The following HOMER2 variants were observed in gnomAD, a reference collection of about 807,000 sequenced individuals.
HOMER2 encodes homer scaffold protein 2.
A neutral mutation model predicts 47.0 loss-of-function variants in HOMER2; 27 were observed. The observed-to-expected ratio is 0.57, with a 90% CI of 0.42 to 0.79. The LOEUF (loss-of-function observed/expected upper bound fraction) is 0.79, where lower values mean the gene tolerates loss of function less well. Among genes scored for constraint, HOMER2 ranks in the 30% least tolerant of loss-of-function variants. HOMER2 has a pLI of 0.00. For missense variants in HOMER2, 443 were observed against 435.0 expected, an observed-to-expected ratio of 1.02 and a Z score of -0.16; for synonymous variants, 161 against 163.8, an observed-to-expected ratio of 0.98 and a Z score of 0.13.
intron 2 of HOMER2, among the ~76,000 whole-genome samples, chr15:82,879,130 CA>C (rs1397277255): frequency 6.6e-6 from 1 of 152,004 alleles, no homozygotes; most frequent in Admixed American, 6.6e-5. Flanking sequence ...TTGGCTCTTT[CA>C]AAAAAAATTC....
intron 5 of HOMER2, among the ~76,000 whole-genome samples, 172 bp from the exon 6 acceptor site, chr15:82,854,972 A>G (rs2051525573): frequency 1.3e-5 from 2 of 152,144 alleles, no homozygotes; most frequent in African/African-American, 4.8e-5. Flanking sequence ...GCCAGGAGGG[A>G]CTGGCCCCTC....
intron 1 of HOMER2, among the ~76,000 whole-genome samples, chr15:82,939,566 G>T (rs1177957025): frequency 6.6e-6 from 1 of 152,084 alleles, no homozygotes; most frequent in African/African-American, 2.4e-5. Flanking sequence ...ACTACTTGGG[G>T]GGCTGAGGCA....
At chr15:82,927,149 A>T (rs1397879918) in intron 1 of HOMER2, among the ~76,000 whole-genome samples, 1 of 151,054 alleles carries the variant, frequency 6.6e-6, no homozygotes, top group Non-Finnish European at 1.5e-5. Context: ...ATATGATGCC[A>T]CTCCCAGCCC....
intron 1 of HOMER2, among the ~76,000 whole-genome samples, chr15:82,897,257 G>A (rs1179408741): frequency 6.6e-6 from 1 of 151,726 alleles, no homozygotes; most frequent in Non-Finnish European, 1.5e-5. Flanking sequence ...GTAGAGACGG[G>A]GTTTCACCAT....
chr15:82,957,210 GAGGTTGCAGTGAGCCA>G, upstream of HOMER2, among the ~76,000 whole-genome samples: 1 of 151,842 alleles, frequency 6.6e-6, no homozygotes, highest in Non-Finnish European at 1.5e-5. Context: ...CCAGGAGGCA[GAGGTTGCAGTGAGCCA>G]AGATACTGTG....
chr15:82,971,334 G>A (rs1227892663), intron 1 of HOMER2, among the ~76,000 whole-genome samples: 1 of 152,040 alleles, frequency 6.6e-6, no homozygotes, highest in Non-Finnish European at 1.5e-5. Flanking sequence ...TAACATTGGT[G>A]ATTCCTATCC....
intron 1 of HOMER2, among the ~76,000 whole-genome samples, chr15:82,963,312 AC>A (rs1173298027): frequency 1.3e-5 from 2 of 151,980 alleles, no homozygotes; most frequent in African/African-American, 4.8e-5. Flanking sequence ...ATGGTCTCAA[AC>A]ACCTAGGCTC....
rs576362262 is a variant in HOMER2, at chr15:82,851,996, C to T, written c.762+146G>A. 629 of 618,662 alleles carry T rather than the reference C, an allele frequency of 1.0e-3. 2 individuals carry two copies. The highest frequency in any genetic ancestry group is 4.7e-3 in the Middle Eastern group (11 of 2,316). The allele number at this position is 618,662 out of a possible 1,614,324, so 38.3% of individuals were successfully genotyped here. On this transcript the variant is annotated intron_variant, in intron 7 of 8. Coordinates refer to ENST00000450735, the MANE Select transcript of HOMER2 (RefSeq NM_004839.4). ...GGAGGCCTTTGCTCCAGCCTGTCTG[C>T]ACCTTGCTGTGGCTCCCAGCTCTCT... is the stretch of plus-strand genomic sequence containing the variant.
chr15:82,986,135 G>C (rs185792449), upstream of HOMER2: 2 of 984,904 alleles, frequency 2.0e-6, no homozygotes, highest in Non-Finnish European at 2.4e-6. Context: ...GTTGCAAAGC[G>C]ATCCACACGG....
intron 1 of HOMER2, among the ~76,000 whole-genome samples, chr15:82,936,082 G>A (rs1470123316): frequency 1.3e-5 from 2 of 152,076 alleles, no homozygotes; most frequent in Non-Finnish European, 2.9e-5. Flanking sequence ...CCCCTCACTT[G>A]CTGCAATCCT....
chr15:82,860,983 A>AGAG (rs1363103915), intron 4 of HOMER2, among the ~76,000 whole-genome samples: 2 of 66,442 alleles, frequency 3.0e-5, no homozygotes, highest in African/African-American at 6.0e-5. Context: ...GAGAGAGAGA[A>AGAG]AGCGAAAGAG....
At chr15:82,899,499 A>C (rs566610176) in intron 1 of HOMER2, among the ~76,000 whole-genome samples, 53 of 152,350 alleles carry the variant, frequency 3.5e-4, no homozygotes, top group Non-Finnish European at 6.8e-4. Context: ...TTTCTTGTAC[A>C]TTCTCCCATG....
chr15:82,946,718 G>A (rs1047436578), intron 1 of HOMER2, among the ~76,000 whole-genome samples: 1 of 152,030 alleles, frequency 6.6e-6, no homozygotes, highest in Non-Finnish European at 1.5e-5. Context: ...AACAAAGAAA[G>A]TCAACCAAAA....
At chr15:82,890,320 C>A (rs556747569) in intron 2 of HOMER2, among the ~76,000 whole-genome samples, 1 of 152,080 alleles carries the variant, frequency 6.6e-6, no homozygotes, top group Non-Finnish European at 1.5e-5. Flanking sequence ...CCAGCCTAGG[C>A]GACAAAGTGA....
chr15:82,850,062 A>T (rs1171839545), intron 8 of HOMER2, among the ~76,000 whole-genome samples, 159 bp from the exon 9 acceptor site: 3 of 152,228 alleles, frequency 2.0e-5, no homozygotes, highest in South Asian at 2.1e-4. Context: ...CAAGCCTGTG[A>T]CCAAGACATC....
At chr15:82,908,746 T>A (rs113596381) in intron 1 of HOMER2, among the ~76,000 whole-genome samples, 7,476 of 142,746 alleles carry the variant, frequency 0.052, 216 homozygotes, top group African/African-American at 0.064. Flanking sequence ...TGCTTTTTTT[T>A]TAAAAAAAAA....
In HOMER2 at chr15:82,863,041, G is replaced by A. The variant is rs2051845172; in HGVS notation, c.387+1126C>T. Reference sequence around the variant, plus strand: ...CCTATTTCCTAGGGCTCCAGCATCTGCCCTCCTCTCTCCACTGCTTCTTTG... The same window carrying A: ...CCTATTTCCTAGGGCTCCAGCATCTACCCTCCTCTCTCCACTGCTTCTTTG... On this transcript the variant is annotated intron_variant, in intron 4 of 8. Coordinates refer to ENST00000450735, the MANE Select transcript of HOMER2 (RefSeq NM_004839.4). Among the ~76,000 whole-genome samples the A allele has an allele frequency of 2.6e-5, 4 of 151,970 alleles. No homozygotes were observed. In the South Asian group the frequency reaches 6.2e-4, roughly 24 times the overall value.
At chr15:82,880,712 T>C (rs2052495595) in intron 2 of HOMER2, among the ~76,000 whole-genome samples, 3 of 152,188 alleles carry the variant, frequency 2.0e-5, no homozygotes, top group African/African-American at 7.2e-5. Context: ...CTGTGGGTTC[T>C]GGCGTCAGAG....
intron 5 of HOMER2, among the ~76,000 whole-genome samples, chr15:82,856,832 G>A (rs1027906091): frequency 6.6e-6 from 1 of 152,140 alleles, no homozygotes; most frequent in Non-Finnish European, 1.5e-5. Context: ...ACTCTGTGGC[G>A]GCTCTGGCTG....
Sources: gnomAD v4.1 joint callset for allele counts (sites outside exome capture counted in the v4.1 genomes callset) on GRCh38, gnomAD v4.1.1 for gene constraint, MANE v1.5 for transcripts, NCBI Gene and HGNC (gene_info 2026-07-23, HGNC 2026-07-21) for gene names.